VWA2: variants seen among roughly 807,000 people sequenced by gnomAD.
VWA2 encodes von Willebrand factor A domain-containing protein 2.
VWA2 carries 73 observed loss-of-function variants against 70.4 expected under a neutral mutation model. That is an observed-to-expected ratio of 1.04 (90% CI 0.86 to 1.26). The LOEUF (loss-of-function observed/expected upper bound fraction) is 1.26, where lower values mean the gene tolerates loss of function less well. Among genes scored for constraint, VWA2 ranks in the 50% most tolerant of loss-of-function variants. The pLI, the probability that VWA2 is intolerant of heterozygous loss-of-function variation, is 0.00. For missense variants in VWA2, 1,011 were observed against 998.5 expected (o/e 1.01, Z -0.17); for synonymous variants, 407 against 423.3 (o/e 0.96, Z 0.47).
At chr10:114,288,011 A>C (rs1226093691) in intron 11 of VWA2, among the ~76,000 whole-genome samples, 2 of 152,202 alleles carry the variant, frequency 1.3e-5, no homozygotes, top group African/African-American at 2.4e-5. Context: ...AAAAACCAGT[A>C]ATCAGAGCAT....
intron 5 of VWA2, among the ~76,000 whole-genome samples, chr10:114,264,812 C>G (rs1337807774): frequency 6.6e-6 from 1 of 151,480 alleles, no homozygotes; most frequent in East Asian, 1.9e-4. Context: ...CTCCACCTCC[C>G]GGGTTCAAGC....
In VWA2 at chr10:114,284,955, G is replaced by A. The variant is rs778165083; in HGVS notation, c.982G>A (p.Gly328Arg). 2 of 1,601,452 alleles carry A rather than the reference G, an allele frequency of 1.2e-6. No individual in the cohort carries two copies. The highest frequency in any genetic ancestry group is 1.7e-5 in the Admixed American group (1 of 57,844). ...YQCLCPLAFG[G>R]EANCALKLSL... Reference sequence around the variant, plus strand: ...GTGCCTCTGCCCGCTGGCCTTTGGAGGGGAGGCTAACTGTGGTAGGTATGC... The same window carrying A: ...GTGCCTCTGCCCGCTGGCCTTTGGAAGGGAGGCTAACTGTGGTAGGTATGC... Residue 328 changes from glycine (G) to arginine (R), a missense_variant, in exon 10 of 14, where the codon GGG becomes AGG. Gly to Arg is a moderately radical substitution (Grantham distance 125). Transcript: ENST00000392982.
intron 4 of VWA2, among the ~76,000 whole-genome samples, chr10:114,256,203 G>A (rs1446146700): frequency 2.0e-5 from 3 of 152,180 alleles, no homozygotes; most frequent in Admixed American, 2.0e-4. Context: ...AATATTTCAG[G>A]CAATCCAGAT....
intron 1 of VWA2, among the ~76,000 whole-genome samples, chr10:114,242,742 C>T (rs1405597483): frequency 6.6e-6 from 1 of 152,140 alleles, no homozygotes; most frequent in Non-Finnish European, 1.5e-5. Context: ...ATTTCTTCAT[C>T]TATAAAGATG....
At position 114,286,444 on chromosome 10, in the gene VWA2, G is replaced by A. The variant is rs368382608; in HGVS notation, c.1503G>A (p.Ser501=). Reference sequence around the variant, plus strand: ...GCCCAAAGCATGTGATGGTCTACTCGGATCCTCAGGATCTGTTCAACCAAA... The same window carrying A: ...GCCCAAAGCATGTGATGGTCTACTCAGATCCTCAGGATCTGTTCAACCAAA... ...TGSPKHVMVY[S]DPQDLFNQIP... The change falls in exon 11 of 14, where the codon TCG becomes TCA. Residue 501 remains serine (S), a synonymous_variant. Coordinates refer to ENST00000392982, the MANE Select transcript of VWA2 (RefSeq NM_001272046.2). 3.2e-5 allele frequency: 52 copies of A among 1,610,684 alleles called. No homozygotes were observed. The highest frequency in any genetic ancestry group is 3.4e-5 in the Non-Finnish European group (40 of 1,178,218).
At chr10:114,287,688 T>C (rs75115607) in intron 11 of VWA2, among the ~76,000 whole-genome samples, 9 of 152,120 alleles carry the variant, frequency 5.9e-5, no homozygotes, top group Admixed American at 1.3e-4. Flanking sequence ...TTTGGTTGGA[T>C]TTTTTAAAAA....
At chr10:114,246,713 C>CAAA in intron 1 of VWA2, 1 of 1,541,342 alleles carries the variant, frequency 6.5e-7, no homozygotes. Context: ...AGCAAACAGT[C>CAAA]TTAGGAATCG....
intron 1 of VWA2, among the ~76,000 whole-genome samples, chr10:114,246,995 C>A (rs1292784142): frequency 6.6e-6 from 1 of 152,156 alleles, no homozygotes; most frequent in Admixed American, 6.5e-5. Flanking sequence ...GCCCCCTCAG[C>A]CTGGGCCAGG....
chr10:114,255,734 G>C (rs895797397), intron 4 of VWA2, among the ~76,000 whole-genome samples: 2 of 151,988 alleles, frequency 1.3e-5, no homozygotes, highest in African/African-American at 2.4e-5. Context: ...AAATATAGCA[G>C]AGTGTGGTAG....
rs752484981 is a variant in VWA2 at position 114,278,843 on chromosome 10, C to G, written c.825C>G (p.Pro275=). The change falls in exon 8 of 14, where the codon CCC becomes CCG. Residue 275 remains proline (P), a synonymous_variant. Transcript: ENST00000392982. ...TTGCGGTGCTGGCTGCACACTGTCC[C>G]TTCTACAGGTTTGTCTGCGCGGTCT... ...RTLAVLAAHC[P]FYSWKRVFLT... The G allele has an allele frequency of 6.2e-7, 1 of 1,613,064 alleles. No homozygotes were observed. The highest frequency in any genetic ancestry group is 8.5e-7 in the Non-Finnish European group (1 of 1,180,024).
intron 10 of VWA2, 38 bp downstream of exon 10, chr10:114,285,008 G>T: frequency 6.7e-7 from 1 of 1,489,372 alleles, no homozygotes; most frequent in Non-Finnish European, 9.0e-7. Flanking sequence ...GACCACTGGG[G>T]AGCAAGAAGA....
At chr10:114,277,738 C>T (rs183419003) in intron 6 of VWA2, among the ~76,000 whole-genome samples, 176 bp from the exon 7 acceptor site, 55 of 152,322 alleles carry the variant, frequency 3.6e-4, no homozygotes, top group African/African-American at 1.1e-3. Context: ...GCTGTCACCT[C>T]GAACCACTTT....
intron 5 of VWA2, among the ~76,000 whole-genome samples, chr10:114,264,479 G>A (rs928351541): frequency 6.6e-6 from 1 of 151,268 alleles, no homozygotes; most frequent in African/African-American, 2.4e-5. Flanking sequence ...GTGCGGTGGT[G>A]CTATCTCGGC....
chr10:114,290,269 C>T lies in VWA2; in HGVS notation c.2152C>T (p.Pro718Ser). 6.4e-7 allele frequency: 1 copy of T among 1,550,590 alleles called. No individual in the cohort carries two copies. Among genetic ancestry groups the T allele is most frequent in the Non-Finnish European group, 8.7e-7 (1 of 1,146,986 alleles). The change falls in exon 13 of 14, where the codon CCC (proline) becomes TCC (serine). Residue 718 changes from proline to serine, a missense_variant. Pro to Ser is a moderately conservative substitution (Grantham distance 74, BLOSUM62 -1). Transcript: ENST00000392982. ...CAAGCAGCCAGTCAACCTCTGCAAA[C>T]CCAGCCCGTGCATGAATGAGGGCAG... is the stretch of plus-strand genomic sequence containing the variant. Reference protein sequence around the residue: ...EAKQPVNLCKPSPCMNEGSCV... With the variant: ...EAKQPVNLCKSSPCMNEGSCV...
At chr10:114,262,245 A>C (rs1164085979) in intron 5 of VWA2, among the ~76,000 whole-genome samples, 2 of 151,570 alleles carry the variant, frequency 1.3e-5, no homozygotes, top group Admixed American at 6.6e-5. Context: ...TGTACATCTG[A>C]ATATGATATG....
chr10:114,271,008 A>C (rs1412697630), intron 5 of VWA2, among the ~76,000 whole-genome samples: 1 of 152,032 alleles, frequency 6.6e-6, no homozygotes, highest in Non-Finnish European at 1.5e-5. Flanking sequence ...TCCCCTCTGA[A>C]GCCTGCTCCC....
chr10:114,284,558 G>A (rs2038610277), intron 9 of VWA2, among the ~76,000 whole-genome samples: 2 of 152,190 alleles, frequency 1.3e-5, no homozygotes, highest in Non-Finnish European at 2.9e-5. Flanking sequence ...TCTCAGTCTT[G>A]AGGCACCCAC....
At chr10:114,257,547 A>C (rs1275813126) in intron 4 of VWA2, among the ~76,000 whole-genome samples, 1 of 152,144 alleles carries the variant, frequency 6.6e-6, no homozygotes, top group Non-Finnish European at 1.5e-5. Context: ...TCACACAGCA[A>C]CCTCAGGAGA....
In VWA2 at chr10:114,272,757, C is replaced by T. The variant is rs372555728; in HGVS notation, c.389C>T (p.Thr130Met). The T allele has an allele frequency of 1.4e-5, 23 of 1,608,096 alleles. No individual in the cohort carries two copies. The highest frequency in any genetic ancestry group is 1.7e-4 in the Middle Eastern group (1 of 6,040). ...GTGCACAGAGGAGGGCGCACGGAGA[C>T]GGAACTTGCTCTGAAATACCTTCTG... is the stretch of plus-strand genomic sequence containing the variant. ...RMVFKGGRTE[T>M]ELALKYLLHR... Residue 130 changes from threonine to methionine, a missense_variant, in exon 6 of 14, where the codon ACG (threonine) becomes ATG (methionine). Thr to Met is a moderately conservative substitution (Grantham distance 81). Transcript: ENST00000392982.
Sources: gnomAD v4.1 joint callset for allele counts (sites outside exome capture counted in the v4.1 genomes callset) on GRCh38, gnomAD v4.1.1 for gene constraint, MANE v1.5 for transcripts, NCBI Gene and HGNC (gene_info 2026-07-23, HGNC 2026-07-21) for gene names.